ZFHX3: variants seen among roughly 807,000 people sequenced by gnomAD.
The protein encoded by ZFHX3 is zinc finger homeobox 3.
In ZFHX3, 42 loss-of-function variants were observed where a neutral mutation model predicts 279.1. The observed-to-expected ratio is 0.15, with a 90% CI of 0.12 to 0.19. The LOEUF (loss-of-function observed/expected upper bound fraction) is 0.19, where lower values mean the gene tolerates loss of function less well. ZFHX3 is among the 10% of genes least tolerant of loss of function. The pLI is 1.00. For synonymous variants in ZFHX3, 2,293 were observed against 1,957.8 expected, an observed-to-expected ratio of 1.17 and a Z score of -4.52; for missense variants, 4,981 against 4,754.0, an observed-to-expected ratio of 1.05 and a Z score of -1.40.
intron 3 of ZFHX3, among the ~76,000 whole-genome samples, chr16:73,414,101 T>C (rs1053769946): frequency 1.3e-5 from 2 of 152,212 alleles, no homozygotes; most frequent in African/African-American, 4.8e-5. Flanking sequence ...CTGAATAATA[T>C]CTACTAACCT....
At chr16:73,204,437 C>G (rs2011722305) in intron 5 of ZFHX3, among the ~76,000 whole-genome samples, 1 of 152,090 alleles carries the variant, frequency 6.6e-6, no homozygotes, top group Non-Finnish European at 1.5e-5. Flanking sequence ...CAAGAAGTGC[C>G]CAACCTAGAT....
intron 3 of ZFHX3, among the ~76,000 whole-genome samples, chr16:73,338,563 C>T (rs1353106991): frequency 6.6e-6 from 1 of 152,062 alleles, no homozygotes; most frequent in Non-Finnish European, 1.5e-5. Context: ...ACTACAGTAT[C>T]CCGAAATATG....
chr16:73,803,055 C>G (rs913422545), intron 1 of ZFHX3, among the ~76,000 whole-genome samples: 4 of 152,200 alleles, frequency 2.6e-5, no homozygotes, highest in African/African-American at 9.7e-5. Context: ...CCCGCCTCAG[C>G]CTCCCAAAGT....
intron 3 of ZFHX3, among the ~76,000 whole-genome samples, chr16:73,365,024 C>T (rs953814375): frequency 4.6e-5 from 7 of 152,302 alleles, no homozygotes; most frequent in Middle Eastern, 3.4e-3. Flanking sequence ...TCTGGGGTGC[C>T]CTGTGGCGCC....
Position 72,957,430 on chromosome 16 carries a change from G to A in ZFHX3, c.2716C>T (p.Leu906=), listed in dbSNP as rs143561313. ...ACAAACACGTAGTCATCCTCACCTA[G>A]AGCAGGCGTCATGGCGGCCATGGGC... is the stretch of plus-strand genomic sequence containing the variant. ...AGPMAAMTPA[L]VGGEIPLDMR... The change falls in exon 2 of 10, where the codon CTA becomes TTA. Residue 906 remains leucine (L), a synonymous_variant. Transcript: ENST00000268489. 1.5e-4 allele frequency: 249 copies of A among 1,607,580 alleles called. 2 individuals carry two copies. In the Admixed American group the frequency reaches 4.0e-3, roughly 26 times the overall value.
At chr16:73,359,548 C>T (rs1026951940) in intron 3 of ZFHX3, among the ~76,000 whole-genome samples, 4 of 152,132 alleles carry the variant, frequency 2.6e-5, no homozygotes, top group African/African-American at 7.2e-5. Flanking sequence ...TGAGAGGTGC[C>T]ATGTTCTTAG....
In ZFHX3 at chr16:73,453,891, C is replaced by A. The variant is rs556892408; in HGVS notation, c.-1291+2112G>T. ...ATCACCAGAACAGCACAGAAAAGAC[C>A]CACCCTTATGATTCGATTACCTCCC... On this transcript the variant is annotated intron_variant, in intron 3 of 17. Coordinates refer to the ZFHX3 transcript ENST00000641206. Among the ~76,000 whole-genome samples, 5 of 152,140 alleles carry A rather than the reference C, an allele frequency of 3.3e-5. 1 individual carries two copies. Among genetic ancestry groups the A allele is most frequent in the African/African-American group, 1.2e-4 (5 of 41,508 alleles).
chr16:73,643,469 G>A (rs2052591295), intron 2 of ZFHX3, among the ~76,000 whole-genome samples: 1 of 152,168 alleles, frequency 6.6e-6, no homozygotes, highest in South Asian at 2.1e-4. Flanking sequence ...TTTACCTACT[G>A]ATGTGGCTAC....
At position 73,490,215 on chromosome 16, in the gene ZFHX3, A is replaced by T. The variant is rs549027990; in HGVS notation, c.-1546-33957T>A. Among the ~76,000 whole-genome samples, 19 of 152,348 alleles carry T rather than the reference A, an allele frequency of 1.2e-4. No homozygotes were observed. In the South Asian group the frequency reaches 3.9e-3, roughly 32 times the overall value. On this transcript the variant is annotated intron_variant, in intron 2 of 17. Transcript: ENST00000641206. ...CTGCAGCTCAGAATGGAGGAATAAC[A>T]TCAGCTGCTTCATCTACTGAGACAT...
chr16:72,889,483 C>T (rs1340164743), intron 4 of ZFHX3, among the ~76,000 whole-genome samples: 1 of 129,372 alleles, frequency 7.7e-6, no homozygotes, highest in African/African-American at 3.0e-5. Context: ...CTGCCAATTT[C>T]CTTTAAAAAA....
rs750926177 is a variant in ZFHX3 at position 73,464,963 on chromosome 16, G to A, written c.-1546-8705C>T. The stretch of plus-strand genomic sequence containing the variant: ...TCACAGGGGCCCACCAAGGCTGGGC[G>A]GGAGGGGAGAGCCTCGCCTTCACAT... On this transcript the variant is annotated intron_variant, in intron 2 of 17. Coordinates refer to the ZFHX3 transcript ENST00000641206. 3.9e-5 allele frequency among the ~76,000 whole-genome samples: 6 copies of A among 152,314 alleles called. No homozygotes were observed. In the South Asian group the frequency reaches 8.3e-4, roughly 21 times the overall value.
intron 3 of ZFHX3, among the ~76,000 whole-genome samples, chr16:72,906,377 G>A (rs534745177): frequency 1.3e-3 from 199 of 151,964 alleles, no homozygotes; most frequent in Middle Eastern, 3.4e-3. Flanking sequence ...TGATCGCACT[G>A]GGGGGGCATG....
chr16:73,368,987 T>C (rs1372318907), intron 3 of ZFHX3, among the ~76,000 whole-genome samples: 2 of 152,322 alleles, frequency 1.3e-5, no homozygotes, highest in East Asian at 3.9e-4. Context: ...ACAGATACAA[T>C]GTGACCTCTG....
chr16:73,674,091 G>A (rs1015967958), intron 2 of ZFHX3, among the ~76,000 whole-genome samples: 6 of 152,154 alleles, frequency 3.9e-5, no homozygotes, highest in South Asian at 2.1e-4. Context: ...CTAATTCCTC[G>A]AAGGAAGGGG....
chr16:73,123,206 TAAA>T (rs34803776), intron 7 of ZFHX3: 2 of 135,814 alleles, frequency 1.5e-5, no homozygotes, highest in Admixed American at 7.7e-5. Flanking sequence ...TGTGGTAGAT[TAAA>T]AAAAAAAAAA....
At chr16:72,952,593 G>A (rs774988651) in intron 2 of ZFHX3, among the ~76,000 whole-genome samples, 24 of 152,268 alleles carry the variant, frequency 1.6e-4, no homozygotes, top group Non-Finnish European at 2.9e-4. Flanking sequence ...AAAAAAGAGC[G>A]GGACTGCTGC....
chr16:72,978,165 T>C (rs896648453), intron 1 of ZFHX3, among the ~76,000 whole-genome samples: 1 of 152,152 alleles, frequency 6.6e-6, no homozygotes, highest in South Asian at 2.1e-4. Flanking sequence ...GCACCCAGCC[T>C]GGGATTTTTT....
intron 2 of ZFHX3, among the ~76,000 whole-genome samples, chr16:73,610,386 G>C (rs1382294598): frequency 6.6e-6 from 1 of 152,116 alleles, no homozygotes; most frequent in Non-Finnish European, 1.5e-5. Flanking sequence ...ACATATGAAT[G>C]TCGGGTATAG....
intron 4 of ZFHX3, among the ~76,000 whole-genome samples, chr16:72,863,508 A>C (rs1205743510): frequency 1.3e-5 from 2 of 148,974 alleles, no homozygotes; most frequent in African/African-American, 5.1e-5. Flanking sequence ...ACAGAGACAG[A>C]GAGAGAGAGA....
Sources: allele counts gnomAD v4.1 joint callset (sites outside exome capture counted in the v4.1 genomes callset), GRCh38; gene constraint gnomAD v4.1.1; transcripts MANE v1.5; gene names NCBI Gene and HGNC (gene_info 2026-07-23, HGNC 2026-07-21).